Variants in CRB1 observed in about 807,000 individuals in gnomAD.
The protein encoded by CRB1 is crumbs cell polarity complex component 1.
CRB1 carries 83 observed loss-of-function variants against 120.0 expected under a neutral mutation model. The observed-to-expected ratio is 0.69, with a 90% CI of 0.58 to 0.83. CRB1 has a LOEUF of 0.83. Ranked by LOEUF, CRB1 falls within the 40% of genes least tolerant of loss-of-function variation. The pLI, the probability that CRB1 is intolerant of heterozygous loss-of-function variation, is 0.00. For missense variants in CRB1, 1,699 were observed against 1,687.6 expected (o/e 1.01, Z -0.12); for synonymous variants, 625 against 612.5 (o/e 1.02, Z -0.30).
At chr1:197,301,442 A>C (rs1449648379) in intron 1 of CRB1, among the ~76,000 whole-genome samples, 1 of 152,182 alleles carries the variant, frequency 6.6e-6, no homozygotes, top group Non-Finnish European at 1.5e-5. Context: ...CTGGGATTAC[A>C]GGTGTGAGTT....
At chr1:197,446,442 A>G (rs1348485940) in intron 11 of CRB1, among the ~76,000 whole-genome samples, 1 of 152,172 alleles carries the variant, frequency 6.6e-6, no homozygotes, top group African/African-American at 2.4e-5. Context: ...GGGATATCAC[A>G]GGGTGGCAGT....
At position 197,318,015 on chromosome 1, in the gene CRB1, A is replaced by G. The variant is rs482549; in HGVS notation, c.71-10407A>G. 6.3e-3 allele frequency among the ~76,000 whole-genome samples: 959 copies of G among 152,236 alleles called. 9 individuals carry two copies. The highest frequency in any genetic ancestry group is 0.022 in the African/African-American group (895 of 41,526). Reference sequence around the variant, plus strand: ...TAGACAAATAGGATTACATCAAACTAAAAAGCTTCTGCATAGCAAAGGGAA... The same window carrying G: ...TAGACAAATAGGATTACATCAAACTGAAAAGCTTCTGCATAGCAAAGGGAA... On this transcript the variant is annotated intron_variant, in intron 1 of 11. Transcript: ENST00000367400.
At chr1:197,252,862 C>G in the CRB1 span, among the ~76,000 whole-genome samples, 2 of 151,526 alleles carry the variant, frequency 1.3e-5, no homozygotes, top group Admixed American at 1.3e-4. Context: ...ACAAATTCGC[C>G]CTTACATCTG....
At chr1:197,296,373 A>G (rs975992670) in intron 1 of CRB1, among the ~76,000 whole-genome samples, 4 of 152,060 alleles carry the variant, frequency 2.6e-5, no homozygotes, top group African/African-American at 9.7e-5. Flanking sequence ...ATCATGGTAA[A>G]TGATTTAAAA....
chr1:197,363,148 G>T (rs544460918), intron 5 of CRB1, among the ~76,000 whole-genome samples: 144 of 133,700 alleles, frequency 1.1e-3, no homozygotes, highest in South Asian at 9.6e-4. Flanking sequence ...TTTTTTTTTT[G>T]CCTTCTTCAC....
chr1:197,244,674 C>A, the CRB1 span, among the ~76,000 whole-genome samples: 3 of 151,784 alleles, frequency 2.0e-5, no homozygotes, highest in African/African-American at 7.3e-5. Context: ...TATTTGTTCA[C>A]CTTCTTGAAT....
chr1:197,449,913 A>T (rs935258911), intron 11 of CRB1, among the ~76,000 whole-genome samples: 2 of 152,026 alleles, frequency 1.3e-5, no homozygotes, highest in African/African-American at 2.4e-5. Flanking sequence ...TTTTTCCTTC[A>T]CTTTCTAGCT....
At chr1:197,406,115 C>A (rs1663377731) in intron 5 of CRB1, among the ~76,000 whole-genome samples, 2 of 152,020 alleles carry the variant, frequency 1.3e-5, no homozygotes, top group African/African-American at 2.4e-5. Flanking sequence ...ATGACAATGG[C>A]GGTTTTGTGG....
At chr1:197,340,311 T>G (rs955978409) in intron 2 of CRB1, among the ~76,000 whole-genome samples, 48 of 152,222 alleles carry the variant, frequency 3.2e-4, no homozygotes, top group African/African-American at 1.1e-3. Context: ...GCCTGGAGTC[T>G]TGAGATACAG....
At chr1:197,468,569 C>T (rs1042867914) in intron 11 of CRB1, among the ~76,000 whole-genome samples, 8 of 151,882 alleles carry the variant, frequency 5.3e-5, no homozygotes, top group Admixed American at 2.0e-4. Flanking sequence ...GTGTGTGAGT[C>T]GATAATAATT....
chr1:197,408,772 C>G (rs2125446995), intron 5 of CRB1, among the ~76,000 whole-genome samples: 1 of 152,256 alleles, frequency 6.6e-6, no homozygotes, highest in East Asian at 1.9e-4. Context: ...ATTTACTGAT[C>G]AAAGCCAATT....
At chr1:197,363,880 G>A (rs1660917245) in intron 5 of CRB1, 3 of 1,009,932 alleles carry the variant, frequency 3.0e-6, no homozygotes, top group Non-Finnish European at 4.7e-6. Context: ...CGTGGAAGGT[G>A]CATAGAGGAC....
intron 1 of CRB1, among the ~76,000 whole-genome samples, chr1:197,313,818 A>C (rs576350826): frequency 1.3e-5 from 2 of 152,322 alleles, no homozygotes; most frequent in African/African-American, 4.8e-5. Flanking sequence ...TTAAAAATCC[A>C]TTCATCTGTT....
chr1:197,293,690 G>A (rs541129389), intron 1 of CRB1, among the ~76,000 whole-genome samples: 1 of 152,226 alleles, frequency 6.6e-6, no homozygotes, highest in South Asian at 2.1e-4. Context: ...AACCAAAACA[G>A]CATGGTACTG....
upstream of CRB1, among the ~76,000 whole-genome samples, chr1:197,265,895 C>A (rs1654620233): frequency 6.6e-6 from 1 of 152,116 alleles, no homozygotes; most frequent in Admixed American, 6.6e-5. Flanking sequence ...TACATTGCTG[C>A]TAGATTTATC....
At chr1:197,328,169 T>G (rs775127276) in intron 1 of CRB1, among the ~76,000 whole-genome samples, 18 of 152,340 alleles carry the variant, frequency 1.2e-4, no homozygotes, top group Middle Eastern at 3.4e-3. Context: ...AAATATCCTA[T>G]AACTTCTTTC....
intron 11 of CRB1, among the ~76,000 whole-genome samples, chr1:197,450,957 CAAAAAAAAAAAA>C (rs11288525): frequency 1.8e-5 from 1 of 56,632 alleles, no homozygotes; most frequent in Non-Finnish European, 3.0e-5. Flanking sequence ...GACTCCGTCC[CAAAAAAAAAAAA>C]AAAAAAAAAA....
At chr1:197,338,847 G>A (rs766533673) in intron 2 of CRB1, among the ~76,000 whole-genome samples, 1 of 151,588 alleles carries the variant, frequency 6.6e-6, no homozygotes, top group Non-Finnish European at 1.5e-5. Context: ...TACATCATCA[G>A]TCTTACATAC....
intron 11 of CRB1, among the ~76,000 whole-genome samples, chr1:197,452,318 A>G (rs1485186067): frequency 6.6e-6 from 1 of 152,234 alleles, no homozygotes; most frequent in African/African-American, 2.4e-5. Flanking sequence ...TTAAAGCTAC[A>G]AATTTATAAA....
Sources: gnomAD v4.1 joint callset for allele counts (sites outside exome capture counted in the v4.1 genomes callset) on GRCh38, gnomAD v4.1.1 for gene constraint, MANE v1.5 for transcripts, NCBI Gene and HGNC (gene_info 2026-07-23, HGNC 2026-07-21) for gene names.